Variants in ANKS1B observed in about 807,000 individuals in gnomAD.
The protein encoded by ANKS1B is ankyrin repeat and sterile alpha motif domain containing 1B.
ANKS1B carries 36 observed loss-of-function variants against 148.3 expected under a neutral mutation model. That is an observed-to-expected ratio of 0.24 (90% CI 0.19 to 0.32). ANKS1B has a LOEUF of 0.32. Among genes scored for constraint, ANKS1B ranks in the 10% least tolerant of loss-of-function variants. ANKS1B has a pLI of 1.00. For missense variants in ANKS1B, 1,157 were observed against 1,542.6 expected, an observed-to-expected ratio of 0.75 and a Z score of 4.19; for synonymous variants, 542 against 560.8, an observed-to-expected ratio of 0.97 and a Z score of 0.47.
intron 12 of ANKS1B, among the ~76,000 whole-genome samples, chr12:99,280,158 GTGTGTGTGTGTGTA>G (rs1387083368): frequency 6.7e-5 from 10 of 148,264 alleles, no homozygotes; most frequent in African/African-American, 2.6e-4. Context: ...AATAGAGTCT[GTGTGTGTGTGTGTA>G]TGTGTGTGTG....
intron 17 of ANKS1B, among the ~76,000 whole-genome samples, chr12:98,913,628 AT>A (rs957352732): frequency 1.3e-5 from 2 of 151,688 alleles, no homozygotes; most frequent in African/African-American, 4.8e-5. Flanking sequence ...ATTTCTTCAT[AT>A]TTTTTTTGTT....
At chr12:99,718,630 C>T (rs999940655) in intron 8 of ANKS1B, among the ~76,000 whole-genome samples, 9 of 152,214 alleles carry the variant, frequency 5.9e-5, no homozygotes, top group African/African-American at 7.2e-5. Context: ...CAAGTTAGTT[C>T]AGGATCTGCG....
chr12:99,359,267 T>C (rs558072550), intron 12 of ANKS1B, among the ~76,000 whole-genome samples: 2 of 152,274 alleles, frequency 1.3e-5, no homozygotes, highest in South Asian at 2.1e-4. Context: ...TTATATCTGG[T>C]ATCTACCCTT....
At chr12:99,654,974 C>G (rs1457050032) in intron 9 of ANKS1B, 93 bp downstream of exon 9, 7 of 1,357,562 alleles carry the variant, frequency 5.2e-6, no homozygotes, top group Non-Finnish European at 7.0e-6. Flanking sequence ...GAACAAGATC[C>G]TAATTTGATT....
At chr12:99,787,237 A>T (rs932434050) in intron 4 of ANKS1B, among the ~76,000 whole-genome samples, 3 of 152,138 alleles carry the variant, frequency 2.0e-5, no homozygotes, top group Admixed American at 2.0e-4. Context: ...TAATTTACTC[A>T]TGGGGGCAAT....
At chr12:99,207,837 GA>G (rs978827724) in intron 14 of ANKS1B, among the ~76,000 whole-genome samples, 1 of 151,990 alleles carries the variant, frequency 6.6e-6, no homozygotes, top group African/African-American at 2.4e-5. Context: ...TTCCAAAGTA[GA>G]AAAAGTATTG....
At chr12:98,810,593 T>C (rs529132625) in intron 19 of ANKS1B, among the ~76,000 whole-genome samples, 1 of 152,230 alleles carries the variant, frequency 6.6e-6, no homozygotes, top group Non-Finnish European at 1.5e-5. Flanking sequence ...TAAATTCATA[T>C]ATATATATTT....
chr12:98,869,673 T>C (rs904520207), intron 17 of ANKS1B, among the ~76,000 whole-genome samples: 6 of 33,324 alleles, frequency 1.8e-4, no homozygotes, highest in Admixed American at 2.7e-4. Flanking sequence ...AAATTGTGTG[T>C]GGAATGCATA....
At chr12:99,842,135 A>G (rs1220862175) in intron 1 of ANKS1B, among the ~76,000 whole-genome samples, 1 of 152,058 alleles carries the variant, frequency 6.6e-6, no homozygotes, top group Admixed American at 6.6e-5. Context: ...CACATGACTT[A>G]GGTTTTGACG....
chr12:99,192,483 T>C (rs2080864767), intron 14 of ANKS1B, among the ~76,000 whole-genome samples: 1 of 152,170 alleles, frequency 6.6e-6, no homozygotes, highest in Non-Finnish European at 1.5e-5. Flanking sequence ...TTCAGTACTA[T>C]TCAATACTTT....
rs2095752337 is a variant in ANKS1B, at chr12:99,984,522, G to T, written c.-285C>A. On this transcript the variant is annotated 5_prime_UTR_variant, in exon 1 of 27. Coordinates refer to ENST00000683438, the MANE Select transcript of ANKS1B (RefSeq NM_001352186.2). ...CACTCCCCTGAATTCCCAAGGCCTC[G>T]TTCCCGCGGGTGCGGCGTGAGGGGG... is the stretch of plus-strand genomic sequence containing the variant. 2.9e-6 allele frequency: 1 copy of T among 341,428 alleles called. No individual in the cohort carries two copies. 21.1% of individuals were successfully genotyped at this position (341,428 alleles called of 1,614,324 possible).
At chr12:99,107,911 T>TC (rs2059559167) in intron 15 of ANKS1B, among the ~76,000 whole-genome samples, 1 of 30,668 alleles carries the variant, frequency 3.3e-5, no homozygotes, top group South Asian at 1.0e-3. Context: ...AAAACAAAGA[T>TC]TTTTTTAAAC....
At chr12:99,347,547 A>G (rs1459758766) in intron 12 of ANKS1B, among the ~76,000 whole-genome samples, 1 of 152,088 alleles carries the variant, frequency 6.6e-6, no homozygotes, top group Non-Finnish European at 1.5e-5. Context: ...AAAGACTGAG[A>G]GAGTTTTTGT....
At chr12:99,827,265 G>A (rs771070656) in intron 1 of ANKS1B, among the ~76,000 whole-genome samples, 9 of 151,758 alleles carry the variant, frequency 5.9e-5, no homozygotes, top group South Asian at 2.1e-4. Flanking sequence ...TGAATGACCC[G>A]GGAAGACATT....
chr12:99,395,661 C>T (rs980604838), intron 12 of ANKS1B, among the ~76,000 whole-genome samples: 4 of 152,130 alleles, frequency 2.6e-5, no homozygotes, highest in African/African-American at 9.7e-5. Flanking sequence ...CTATTTATAT[C>T]ATTCCCCAGA....
At position 98,955,768 on chromosome 12, in the gene ANKS1B, G is replaced by A. The variant is rs148724872; in HGVS notation, c.2778+97389C>T. Among the ~76,000 whole-genome samples the A allele has an allele frequency of 5.0e-3, 765 of 152,290 alleles. 11 individuals carry two copies. The highest frequency in any genetic ancestry group is 0.018 in the African/African-American group (737 of 41,556). ...AGTGAGATGGGGGAAGGCTGCGGTGGAGAAGTCTTTTTTAGGGAAGATTAG... is the reference window on the plus strand; with the variant it reads ...AGTGAGATGGGGGAAGGCTGCGGTGAAGAAGTCTTTTTTAGGGAAGATTAG... On this transcript the variant is annotated intron_variant, in intron 17 of 26. Transcript: ENST00000683438.
chr12:99,795,495 CTGAAAGAACTTCTA>C (rs750108480), intron 4 of ANKS1B, among the ~76,000 whole-genome samples: 5 of 151,874 alleles, frequency 3.3e-5, no homozygotes, highest in Non-Finnish European at 7.4e-5. Context: ...ACAACTCTTA[CTGAAAGAACTTCTA>C]TAGGATATAA....
chr12:99,112,991 T>C (rs957517037), intron 15 of ANKS1B, among the ~76,000 whole-genome samples: 19 of 152,222 alleles, frequency 1.2e-4, no homozygotes, highest in African/African-American at 4.6e-4. Context: ...ATTTTCTGCC[T>C]AGGCAAGTAG....
intron 17 of ANKS1B, among the ~76,000 whole-genome samples, chr12:99,035,927 G>A (rs2099955264): frequency 6.6e-6 from 1 of 152,170 alleles, no homozygotes. Flanking sequence ...AGCGACTGAG[G>A]TTCCACTGGG....
Sources: gnomAD v4.1 joint callset for allele counts (sites outside exome capture counted in the v4.1 genomes callset) on GRCh38, gnomAD v4.1.1 for gene constraint, MANE v1.5 for transcripts, NCBI Gene and HGNC (gene_info 2026-07-23, HGNC 2026-07-21) for gene names.